Variants in SRSF5 observed in about 807,000 individuals in gnomAD.
SRSF5 encodes the protein serine and arginine rich splicing factor 5, also known as serine/arginine-rich splicing factor 5.
In SRSF5, 5 loss-of-function variants were observed where a neutral mutation model predicts 34.0. That is an observed-to-expected ratio of 0.15 (90% CI 0.08 to 0.31). The LOEUF is 0.31. Among genes scored for constraint, SRSF5 ranks in the 10% least tolerant of loss-of-function variants. The pLI, the probability that SRSF5 is intolerant of heterozygous loss-of-function variation, is 1.00. For missense variants in SRSF5, 223 were observed against 351.4 expected, an observed-to-expected ratio of 0.63 and a Z score of 2.92; for synonymous variants, 164 against 117.7, an observed-to-expected ratio of 1.39 and a Z score of -2.55.
chr14:69,768,920 A>T, intron 4 of SRSF5, 24 bp downstream of exon 4: 1 of 1,603,646 alleles, frequency 6.2e-7, no homozygotes. Flanking sequence ...GGATGGCTGC[A>T]TTGAACAATT....
At chr14:69,769,964 A>C in intron 5 of SRSF5, 2 of 1,055,476 alleles carry the variant, frequency 1.9e-6, no homozygotes, top group Non-Finnish European at 2.3e-6. Flanking sequence ...GCGAAGAGCC[A>C]GTCGGGCATA....
At chr14:69,771,156 G>A (rs760412482) in intron 7 of SRSF5, 38 bp from the exon 8 acceptor site, 1 of 1,613,600 alleles carries the variant, frequency 6.2e-7, no homozygotes, top group Non-Finnish European at 8.5e-7. Context: ...GTTTGTTGTA[G>A]AGTCTTATCT....
Position 69,768,118 on chromosome 14 carries a change from A to G in SRSF5, c.-19-20A>G, listed in dbSNP as rs1372405415. The G allele has an allele frequency of 3.7e-6, 6 of 1,613,294 alleles. No homozygotes were observed. The highest frequency in any genetic ancestry group is 1.6e-4 in the Middle Eastern group (1 of 6,078). On this transcript the variant is annotated intron_variant, in intron 1 of 7. Coordinates refer to ENST00000557154, the MANE Select transcript of SRSF5 (RefSeq NM_001320214.2). ...TGTGACAGTCATTGCTATTATCTCG[A>G]TTGAATTACTTTCTAATAGGAAGTA... is the stretch of plus-strand genomic sequence containing the variant.
chr14:69,768,495 AGT>A (rs2139685698), intron 2 of SRSF5, 107 bp from the exon 3 acceptor site: 5 of 1,242,544 alleles, frequency 4.0e-6, no homozygotes, highest in East Asian at 2.3e-5. Flanking sequence ...ACTGTATGGC[AGT>A]GTCGTTAAGA....
Position 69,771,021 on chromosome 14 carries a change from A to G in SRSF5, c.467A>G (p.Asp156Gly). The G allele has an allele frequency of 6.2e-7, 1 of 1,613,718 alleles. No individual in the cohort carries two copies. The highest frequency in any genetic ancestry group is 8.5e-7 in the Non-Finnish European group (1 of 1,179,918). The change falls in exon 7 of 8, where the codon GAC (aspartate) becomes GGC (glycine). Residue 156 changes from aspartate (D) to glycine (G), a missense_variant. This residue lies in a region of SRSF5 where 37 missense variants were observed against 96.7 expected (regional missense o/e 0.38). Coordinates refer to ENST00000557154, the MANE Select transcript of SRSF5 (RefSeq NM_001320214.2). ...EGVVEFASYG[D>G]LKNAIEKLSG... ...GTGGTTGAGTTTGCCTCTTATGGTGACTTAAAGAATGCTATTGAAAAACTT... is the reference window on the plus strand; with the variant it reads ...GTGGTTGAGTTTGCCTCTTATGGTGGCTTAAAGAATGCTATTGAAAAACTT...
intron 1 of SRSF5, 92 bp from the exon 2 acceptor site, chr14:69,768,046 A>G (rs1167222496): frequency 4.2e-6 from 6 of 1,437,650 alleles, no homozygotes; most frequent in African/African-American, 1.4e-5. Context: ...CACTGTGTAA[A>G]CATTTTATGC....
At chr14:69,769,518 G>T in intron 5 of SRSF5, 2 of 1,535,434 alleles carry the variant, frequency 1.3e-6, no homozygotes, top group Non-Finnish European at 8.7e-7. Context: ...CAGCCTGTCT[G>T]TGTCGTTGGC....
chr14:69,770,223 T>TA, intron 5 of SRSF5: 1 of 1,292,110 alleles, frequency 7.7e-7, no homozygotes, highest in Non-Finnish European at 9.8e-7. Flanking sequence ...CATAGACTAA[T>TA]ACTACCTTAA....
At chr14:69,770,374 T>A in intron 5 of SRSF5, 93 bp from the exon 6 acceptor site, 5 of 1,528,342 alleles carry the variant, frequency 3.3e-6, no homozygotes, top group Non-Finnish European at 4.4e-6. Context: ...ATCTAACATC[T>A]TCTCTTTCAG....
At position 69,771,456 on chromosome 14, in the gene SRSF5, A is replaced by T. The variant is rs145814413; in HGVS notation, c.814A>T (p.Asn272Tyr). Reference protein sequence around the residue: ...RSRSRSVDSGN With the variant: ...RSRSRSVDSGY Reference sequence around the variant, plus strand: ...AAGGTCCAGATCAGTTGACAGTGGCAATTAAACTGTAAATAACTTGCCCTG... The same window carrying T: ...AAGGTCCAGATCAGTTGACAGTGGCTATTAAACTGTAAATAACTTGCCCTG... Residue 272 changes from asparagine (N) to tyrosine (Y), a missense_variant, in exon 8 of 8, where the codon AAT becomes TAT. Asn to Tyr is a moderately radical substitution (Grantham distance 143). Transcript: ENST00000557154. The T allele has an allele frequency of 3.7e-6, 6 of 1,613,618 alleles. No individual in the cohort carries two copies. Among genetic ancestry groups the T allele is most frequent in the Non-Finnish European group, 5.1e-6 (6 of 1,179,630 alleles).
intron 5 of SRSF5, 161 bp from the exon 6 acceptor site, chr14:69,770,304 CAT>C: frequency 1.4e-6 from 2 of 1,415,574 alleles, no homozygotes; most frequent in Non-Finnish European, 1.8e-6. Flanking sequence ...CGTGCCCTGA[CAT>C]AGATAATTTT....
intron 5 of SRSF5, 88 bp downstream of exon 5, chr14:69,769,339 T>G: frequency 6.5e-7 from 1 of 1,547,842 alleles, no homozygotes; most frequent in Admixed American, 2.0e-5. Context: ...TTATTAAAAG[T>G]AGTTTTAAAT....
chr14:69,767,671 C>T (rs868490835), intron 1 of SRSF5: 1 of 368,290 alleles, frequency 2.7e-6, no homozygotes, highest in Middle Eastern at 4.8e-4. Flanking sequence ...TTTGATTCCA[C>T]CGCCGCCATT....
chr14:69,767,499 A>T (rs1387100078), intron 1 of SRSF5: 2 of 455,700 alleles, frequency 4.4e-6, no homozygotes, highest in Non-Finnish European at 8.8e-6. Context: ...TGCCAGTCTT[A>T]ATGTCTTCAT....
rs200493113 is a variant in SRSF5 at position 69,771,209 on chromosome 14, G to T, written c.567G>T (p.Arg189Ser). ...TTTTTCATAGTAGGTCAAGAAGCAG[G>T]TCTCGATCCCGGACCAGAAGTTCCT... ...GSKRHSRSRS[R>S]SRSRTRSSSR... The change falls in exon 8 of 8, where the codon AGG becomes AGT. Residue 189 changes from arginine to serine, a missense_variant. This residue lies in a region of SRSF5 where 115 missense variants were observed against 119.7 expected (regional missense o/e 0.96). Coordinates refer to ENST00000557154, the MANE Select transcript of SRSF5 (RefSeq NM_001320214.2). The T allele has an allele frequency of 1.2e-5, 19 of 1,614,114 alleles. No homozygotes were observed. In the East Asian group the frequency reaches 4.2e-4, roughly 36 times the overall value.
chr14:69,771,556 C>A lies in SRSF5; in HGVS notation c.*95C>A. ...TGCTAAAAATTCTGGTAAGTATGTG[C>A]TTTTCTGTGGGGGTGGGATTTGGAA... On this transcript the variant is annotated 3_prime_UTR_variant, in exon 8 of 8. Coordinates refer to ENST00000557154, the MANE Select transcript of SRSF5 (RefSeq NM_001320214.2). 8 of 1,222,176 alleles carry A rather than the reference C, an allele frequency of 6.5e-6. No homozygotes were observed. Among genetic ancestry groups the A allele is most frequent in the Non-Finnish European group, 8.9e-6 (8 of 895,306 alleles). 75.7% of individuals were successfully genotyped at this position (1,222,176 alleles called of 1,614,324 possible). A position where few individuals can be genotyped will look rare whatever the true frequency, so the allele number is the denominator to read the frequency against.
chr14:69,769,738 T>G (rs929203741), intron 5 of SRSF5: 4 of 1,396,920 alleles, frequency 2.9e-6, no homozygotes, highest in Non-Finnish European at 3.7e-6. Context: ...ATCCCTAAGT[T>G]GAGACCTGTC....
chr14:69,771,424 C>G lies in SRSF5; in HGVS notation c.782C>G (p.Ser261Cys), dbSNP rs866134831. 1 of 1,613,998 alleles carries G rather than the reference C, an allele frequency of 6.2e-7. No individual in the cohort carries two copies. Among genetic ancestry groups the G allele is most frequent in the African/African-American group, 1.3e-5 (1 of 74,918 alleles). ...TCTGTGGATCGCCAGAGGTCCCGGTCCCGATCAAGGTCCAGATCAGTTGAC... is the reference window on the plus strand; with the variant it reads ...TCTGTGGATCGCCAGAGGTCCCGGTGCCGATCAAGGTCCAGATCAGTTGAC... The part of the protein sequence containing the change: ...PASVDRQRSR[S>C]RSRSRSVDSG... The change falls in exon 8 of 8, where the codon TCC (serine) becomes TGC (cysteine). Residue 261 changes from serine to cysteine, a missense_variant. By Grantham distance (112) the Ser-to-Cys change is moderately radical. This residue lies in a region of SRSF5 where 115 missense variants were observed against 119.7 expected (regional missense o/e 0.96). Coordinates refer to ENST00000557154, the MANE Select transcript of SRSF5 (RefSeq NM_001320214.2).
intron 1 of SRSF5, 100 bp from the exon 2 acceptor site, chr14:69,768,038 C>G: frequency 7.4e-7 from 1 of 1,345,500 alleles, no homozygotes; most frequent in East Asian, 2.4e-5. Flanking sequence ...CATAACATCA[C>G]TGTGTAAACA....
Sources: gnomAD v4.1 joint callset for allele counts on GRCh38, gnomAD v4.1.1 for gene constraint, gnomAD v4.1.1 regional missense constraint, MANE v1.5 for transcripts, NCBI Gene and HGNC (gene_info 2026-07-23, HGNC 2026-07-21) for gene names.